SSH2: variants seen among roughly 807,000 people sequenced by gnomAD.
SSH2 encodes the protein slingshot protein phosphatase 2, also known as protein phosphatase Slingshot homolog 2.
In SSH2, 37 loss-of-function variants were observed where a neutral mutation model predicts 135.2. The ratio of observed to expected loss-of-function variants is 0.27; its 90% CI spans 0.21 to 0.36. SSH2 has a LOEUF of 0.36. Ranked by LOEUF, SSH2 falls within the 10% of genes least tolerant of loss-of-function variation. SSH2 has a pLI of 1.00. For synonymous variants in SSH2, 628 were observed against 646.2 expected (o/e 0.97, Z 0.43); for missense variants, 1,408 against 1,765.3 (o/e 0.80, Z 3.63).
chr17:29,725,971 ATAAGTAAAATGT>A lies in SSH2; in HGVS notation c.189-22921_189-22910del, dbSNP rs1432613004. On this transcript the variant is annotated intron_variant, in intron 3 of 15. Transcript: ENST00000540801. ...TGACAGTGGAGGTAGAGAGAGACAAATAAGTAAAATGTCAGGTGATAATAAATGCTGTGAAGT... is the reference window on the plus strand; with the variant it reads ...TGACAGTGGAGGTAGAGAGAGACAAACAGGTGATAATAAATGCTGTGAAGT... Among the ~76,000 whole-genome samples the A allele has an allele frequency of 4.1e-4, 62 of 152,236 alleles. 2 individuals carry two copies. The highest frequency in any genetic ancestry group is 4.1e-3 in the Admixed American group (62 of 15,282).
chr17:29,810,399 ATTTAT>A (rs2042421181), intron 2 of SSH2, among the ~76,000 whole-genome samples: 1 of 152,168 alleles, frequency 6.6e-6, no homozygotes, highest in African/African-American at 2.4e-5. Flanking sequence ...AGTGGGTTCT[ATTTAT>A]TTTATTTTAG....
At chr17:29,665,432 C>G (rs902957691) in intron 11 of SSH2, among the ~76,000 whole-genome samples, 2 of 152,160 alleles carry the variant, frequency 1.3e-5, no homozygotes, top group Admixed American at 1.3e-4. Flanking sequence ...AGGGCACAAG[C>G]CTTCAAAGGC....
At chr17:29,678,345 C>T (rs1005782666) in intron 6 of SSH2, among the ~76,000 whole-genome samples, 1 of 152,154 alleles carries the variant, frequency 6.6e-6, no homozygotes, top group Non-Finnish European at 1.5e-5. Context: ...CTCAGCCTCC[C>T]GAAGTGCTGG....
intron 11 of SSH2, among the ~76,000 whole-genome samples, chr17:29,657,488 C>T (rs1177889846): frequency 7.7e-6 from 1 of 129,350 alleles, no homozygotes. Flanking sequence ...AGGCTGGTCT[C>T]AAACTCCTGA....
intron 6 of SSH2, among the ~76,000 whole-genome samples, chr17:29,679,742 T>C (rs191750803): frequency 1.3e-5 from 2 of 152,354 alleles, no homozygotes; most frequent in Admixed American, 6.5e-5. Context: ...AACTGTCTTG[T>C]GCCTTAATTT....
intron 3 of SSH2, among the ~76,000 whole-genome samples, chr17:29,761,964 T>G (rs2041330596): frequency 6.6e-6 from 1 of 151,446 alleles, no homozygotes; most frequent in African/African-American, 2.4e-5. Context: ...CACTGCAACC[T>G]CCGCCTCCCA....
intron 8 of SSH2, among the ~76,000 whole-genome samples, chr17:29,673,733 G>A (rs76823490): frequency 0.034 from 5,137 of 151,968 alleles, 128 homozygotes; most frequent in African/African-American, 0.063. Context: ...AGTCTTTTTG[G>A]CTATGCATAG....
chr17:29,830,225 C>T (rs939885180), intron 2 of SSH2, among the ~76,000 whole-genome samples: 10 of 152,104 alleles, frequency 6.6e-5, no homozygotes, highest in African/African-American at 2.4e-4. Flanking sequence ...TTATTTTCTC[C>T]CTTATTTTCT....
intron 1 of SSH2, among the ~76,000 whole-genome samples, chr17:29,924,317 A>G (rs555078350): frequency 1.6e-4 from 25 of 152,376 alleles, no homozygotes; most frequent in African/African-American, 5.8e-4. Flanking sequence ...ATATGTACAT[A>G]TAACTCAATA....
At position 29,626,412 on chromosome 17, in the gene SSH2, A is replaced by G. The variant is rs972678749; in HGVS notation, c.*4429T>C. 1.3e-5 allele frequency: 2 copies of G among 152,530 alleles called. No individual in the cohort carries two copies. The highest frequency in any genetic ancestry group is 4.8e-5 in the African/African-American group (2 of 41,382). 9.4% of individuals were successfully genotyped at this position (152,530 alleles called of 1,614,324 possible). ...GGAAGCACTTCAGGGCCAGTTACCC[A>G]GTTTTTAGTTTGGGTATTAGCTCTG... On this transcript the variant is annotated 3_prime_UTR_variant, in exon 16 of 16. Coordinates refer to ENST00000540801, the MANE Select transcript of SSH2 (RefSeq NM_001282129.2).
intron 2 of SSH2, 48 bp from the exon 3 acceptor site, chr17:29,793,985 A>G: frequency 7.6e-7 from 1 of 1,307,400 alleles, no homozygotes; most frequent in Non-Finnish European, 1.1e-6. Context: ...GAGGTTTCAT[A>G]TCATAATATC....
intron 3 of SSH2, among the ~76,000 whole-genome samples, chr17:29,757,777 AGGGGTGGGGGGT>A (rs1294671126): frequency 6.0e-4 from 6 of 9,918 alleles, no homozygotes; most frequent in Non-Finnish European, 5.6e-4. Context: ...ACCCAGTGGC[AGGGGTGGGGGGT>A]GGGGTGGGGG....
intron 5 of SSH2, 79 bp from the exon 6 acceptor site, chr17:29,684,763 A>G (rs1188950274): frequency 1.5e-6 from 2 of 1,373,940 alleles, no homozygotes; most frequent in East Asian, 2.5e-5. Flanking sequence ...TTTCATCAGC[A>G]TCTTAAAGCA....
At chr17:29,857,985 GTTTGTC>G (rs1448235595) in intron 1 of SSH2, among the ~76,000 whole-genome samples, 3 of 152,160 alleles carry the variant, frequency 2.0e-5, no homozygotes, top group Non-Finnish European at 4.4e-5. Flanking sequence ...ATCATACACT[GTTTGTC>G]TTTGACTGAG....
At chr17:29,889,402 C>T (rs149595918) in intron 1 of SSH2, among the ~76,000 whole-genome samples, 16 of 152,084 alleles carry the variant, frequency 1.1e-4, no homozygotes, top group Admixed American at 2.0e-4. Flanking sequence ...GCTGATATTG[C>T]GCCACTGCAC....
At chr17:29,818,692 T>A (rs920744805) in intron 2 of SSH2, among the ~76,000 whole-genome samples, 1 of 152,210 alleles carries the variant, frequency 6.6e-6, no homozygotes, top group Non-Finnish European at 1.5e-5. Context: ...CTTATTCTAA[T>A]ATAAATGAGA....
At chr17:29,771,326 A>G (rs1293417944) in intron 3 of SSH2, among the ~76,000 whole-genome samples, 2 of 152,366 alleles carry the variant, frequency 1.3e-5, no homozygotes, top group South Asian at 2.1e-4. Context: ...TGGACTTTAT[A>G]TAGCCTAGCA....
At chr17:29,773,653 T>A (rs2041634312) in intron 3 of SSH2, among the ~76,000 whole-genome samples, 1 of 152,224 alleles carries the variant, frequency 6.6e-6, no homozygotes. Context: ...ATATTGGCAG[T>A]TTGAGAGATC....
chr17:29,756,428 ACCTGCCTG>A (rs914800723), intron 3 of SSH2, among the ~76,000 whole-genome samples: 23 of 151,092 alleles, frequency 1.5e-4, no homozygotes, highest in Middle Eastern at 3.4e-3. Context: ...GAACCACTAC[ACCTGCCTG>A]CCTGCCTGCC....
Sources: gnomAD v4.1 joint callset for allele counts (sites outside exome capture counted in the v4.1 genomes callset) on GRCh38, gnomAD v4.1.1 for gene constraint, MANE v1.5 for transcripts, NCBI Gene and HGNC (gene_info 2026-07-23, HGNC 2026-07-21) for gene names.